AGBL1: variants seen among roughly 807,000 people sequenced by gnomAD.
AGBL1 encodes the protein AGBL carboxypeptidase 1, also known as cytosolic carboxypeptidase 4.
AGBL1 carries 130 observed loss-of-function variants against 118.9 expected under a neutral mutation model. The ratio of observed to expected loss-of-function variants is 1.09; its 90% CI spans 0.95 to 1.26. The LOEUF is 1.26. Ranked by LOEUF, AGBL1 falls within the 50% of genes most tolerant of loss-of-function variation. AGBL1 has a pLI of 0.00. For synonymous variants in AGBL1, 555 were observed against 478.9 expected (o/e 1.16, Z -2.08); for missense variants, 1,584 against 1,298.1 (o/e 1.22, Z -3.38).
intron 22 of AGBL1, among the ~76,000 whole-genome samples, chr15:86,702,430 A>G (rs897760456): frequency 2.0e-5 from 3 of 152,142 alleles, no homozygotes; most frequent in African/African-American, 7.2e-5. Flanking sequence ...TAGGTGCTCA[A>G]TAAGTACTGA....
chr15:86,659,685 C>T (rs576339858), intron 21 of AGBL1, among the ~76,000 whole-genome samples: 7 of 152,210 alleles, frequency 4.6e-5, no homozygotes, highest in African/African-American at 7.2e-5. Flanking sequence ...TAAGTAAGAA[C>T]GAGACAGCTA....
chr15:86,583,141 G>T (rs2084197005), intron 21 of AGBL1, among the ~76,000 whole-genome samples: 1 of 151,144 alleles, frequency 6.6e-6, no homozygotes, highest in South Asian at 2.1e-4. Flanking sequence ...TTAGAGATGA[G>T]AATTGGAATT....
At chr15:86,298,086 G>T (rs2079675185) in intron 17 of AGBL1, among the ~76,000 whole-genome samples, 1 of 151,370 alleles carries the variant, frequency 6.6e-6, no homozygotes. Flanking sequence ...AGATACTGTG[G>T]CAGGAAGGGA....
intron 23 of AGBL1, among the ~76,000 whole-genome samples, chr15:86,969,850 G>C (rs2081089828): frequency 6.6e-6 from 1 of 151,916 alleles, no homozygotes; most frequent in South Asian, 2.1e-4. Flanking sequence ...TCAGGAGCTG[G>C]TCTACAGTCA....
intron 5 of AGBL1, among the ~76,000 whole-genome samples, chr15:86,221,755 T>C (rs1388943633): frequency 6.6e-6 from 1 of 152,086 alleles, no homozygotes; most frequent in Non-Finnish European, 1.5e-5. Flanking sequence ...TTACAAACTT[T>C]TTTTTTTTTA....
chr15:86,799,944 A>T (rs1450171591), intron 22 of AGBL1, among the ~76,000 whole-genome samples: 2 of 152,126 alleles, frequency 1.3e-5, no homozygotes, highest in South Asian at 2.1e-4. Context: ...CCATATAATT[A>T]CCCAGGTATA....
chr15:86,940,256 A>G (rs2080733863), intron 23 of AGBL1, among the ~76,000 whole-genome samples: 1 of 151,656 alleles, frequency 6.6e-6, no homozygotes, highest in Admixed American at 6.6e-5. Flanking sequence ...TTTGAAACAC[A>G]CTTTCTTTTA....
At chr15:86,916,777 A>T (rs566254249), downstream of AGBL1, among the ~76,000 whole-genome samples, 2 of 152,082 alleles carry the variant, frequency 1.3e-5, no homozygotes, top group Non-Finnish European at 1.5e-5. Flanking sequence ...TGCAGAGAAC[A>T]CCAGCAGGCC....
chr15:86,645,836 G>A (rs1370479845), intron 21 of AGBL1, among the ~76,000 whole-genome samples: 1 of 152,118 alleles, frequency 6.6e-6, no homozygotes, highest in South Asian at 2.1e-4. Flanking sequence ...CCACCAATGA[G>A]CTGAACGTTC....
intron 18 of AGBL1, among the ~76,000 whole-genome samples, chr15:86,510,430 C>A (rs1300449704): frequency 6.6e-6 from 1 of 152,080 alleles, no homozygotes; most frequent in Non-Finnish European, 1.5e-5. Context: ...CCCATGCATT[C>A]TTCCCACCTA....
chr15:86,763,419 A>G (rs952778556), intron 22 of AGBL1, among the ~76,000 whole-genome samples: 2 of 152,028 alleles, frequency 1.3e-5, no homozygotes, highest in African/African-American at 4.8e-5. Context: ...TCAACAAATT[A>G]GGAAAAAAAT....
At chr15:86,981,806 C>T (rs930964109) in intron 23 of AGBL1, among the ~76,000 whole-genome samples, 3 of 152,072 alleles carry the variant, frequency 2.0e-5, no homozygotes, top group African/African-American at 4.8e-5. Context: ...AAACAGGATC[C>T]ATCACCATTC....
chr15:86,759,146 T>C (rs1176492170), intron 22 of AGBL1, among the ~76,000 whole-genome samples: 1 of 152,082 alleles, frequency 6.6e-6, no homozygotes. Flanking sequence ...TAATACAAAA[T>C]CTTGCAGGAT....
intron 16 of AGBL1, among the ~76,000 whole-genome samples, chr15:86,294,487 T>C (rs1036013202): frequency 2.6e-5 from 4 of 151,498 alleles, no homozygotes; most frequent in South Asian, 4.2e-4. Flanking sequence ...TAAATGAGTA[T>C]TGGGGAGGTA....
intron 21 of AGBL1, among the ~76,000 whole-genome samples, chr15:86,557,730 C>T (rs962775315): frequency 6.6e-6 from 1 of 152,136 alleles, no homozygotes; most frequent in African/African-American, 2.4e-5. Flanking sequence ...AGGCCTTTTA[C>T]AATCTCTTCT....
At chr15:86,748,568 G>C (rs2077795503) in intron 22 of AGBL1, among the ~76,000 whole-genome samples, 1 of 95,068 alleles carries the variant, frequency 1.1e-5, no homozygotes, top group Non-Finnish European at 2.0e-5. Context: ...TGGTGTTTTA[G>C]AGATGAAGTC....
At chr15:86,475,297 A>T (rs577966052) in intron 18 of AGBL1, among the ~76,000 whole-genome samples, 19 of 152,304 alleles carry the variant, frequency 1.2e-4, no homozygotes, top group African/African-American at 3.8e-4. Context: ...GGAAGTTCGA[A>T]CCCACTGCAA....
chr15:86,451,349 A>G (rs1357881313), intron 18 of AGBL1, among the ~76,000 whole-genome samples: 1 of 152,234 alleles, frequency 6.6e-6, no homozygotes, highest in Non-Finnish European at 1.5e-5. Context: ...AAGTTTGAGG[A>G]TAGAGACCTT....
chr15:86,737,234 C>T (rs1415626079), intron 22 of AGBL1, among the ~76,000 whole-genome samples: 1 of 152,036 alleles, frequency 6.6e-6, no homozygotes, highest in Non-Finnish European at 1.5e-5. Flanking sequence ...AGTAGTAGGG[C>T]CTGGAAAATT....
Sources: gnomAD v4.1 joint callset for allele counts (sites outside exome capture counted in the v4.1 genomes callset) on GRCh38, gnomAD v4.1.1 for gene constraint, MANE v1.5 for transcripts, NCBI Gene and HGNC (gene_info 2026-07-23, HGNC 2026-07-21) for gene names.